The following MAML3 variants were observed in gnomAD, a reference collection of about 807,000 sequenced individuals.
The protein encoded by MAML3 is mastermind-like protein 3.
A neutral mutation model predicts 101.9 loss-of-function variants in MAML3; 27 were observed. The observed-to-expected ratio is 0.27, with a 90% CI of 0.20 to 0.37. MAML3 has a LOEUF of 0.37. MAML3 is among the 10% of genes least tolerant of loss of function. The pLI, the probability that MAML3 is intolerant of heterozygous loss-of-function variation, is 1.00. For missense variants in MAML3, 1,316 were observed against 1,444.9 expected (o/e 0.91, Z 1.45); for synonymous variants, 501 against 555.9 (o/e 0.90, Z 1.39).
At chr4:139,756,248 G>A (rs1052622858) in intron 2 of MAML3, among the ~76,000 whole-genome samples, 5 of 152,160 alleles carry the variant, frequency 3.3e-5, no homozygotes, top group African/African-American at 1.2e-4. Context: ...CAATGAAAAT[G>A]TTGATGATTT....
intron 1 of MAML3, among the ~76,000 whole-genome samples, chr4:139,978,783 T>A (rs1011703097): frequency 1.3e-5 from 2 of 151,192 alleles, no homozygotes; most frequent in African/African-American, 4.9e-5. Context: ...ATGGATGACA[T>A]CCCCCCCAGA....
chr4:139,815,390 T>C (rs1730876559), intron 2 of MAML3, among the ~76,000 whole-genome samples: 1 of 152,236 alleles, frequency 6.6e-6, no homozygotes, highest in Non-Finnish European at 1.5e-5. Context: ...GCTTTATAAA[T>C]ACTAGCTTAT....
chr4:139,867,999 A>C (rs1731932907), intron 2 of MAML3, among the ~76,000 whole-genome samples: 1 of 152,210 alleles, frequency 6.6e-6, no homozygotes, highest in South Asian at 2.1e-4. Flanking sequence ...ATTTCTCTAG[A>C]GAGAAGTCCA....
chr4:140,013,875 C>A (rs1439952864), intron 1 of MAML3, among the ~76,000 whole-genome samples: 2 of 152,178 alleles, frequency 1.3e-5, no homozygotes, highest in Non-Finnish European at 2.9e-5. Context: ...TGGACCATAA[C>A]AGATACTCAG....
chr4:139,821,656 GAACACCAGGGAAGCTGGCCT>G (rs1161382963), intron 2 of MAML3, among the ~76,000 whole-genome samples: 1 of 152,220 alleles, frequency 6.6e-6, no homozygotes, highest in Non-Finnish European at 1.5e-5. Context: ...GAGAGCAGGA[GAACACCAGGGAAGCTGGCCT>G]AGGCTTCCTG....
intron 1 of MAML3, among the ~76,000 whole-genome samples, chr4:140,013,708 A>G (rs1429695003): frequency 6.6e-6 from 1 of 152,236 alleles, no homozygotes; most frequent in Non-Finnish European, 1.5e-5. Flanking sequence ...TTCCAATCCA[A>G]GTGTGTCCAT....
intron 1 of MAML3, among the ~76,000 whole-genome samples, chr4:140,041,551 G>T (rs1217517966): frequency 6.6e-6 from 1 of 152,144 alleles, no homozygotes; most frequent in Non-Finnish European, 1.5e-5. Flanking sequence ...AAGCTGGGAG[G>T]CAGAGGTTGC....
chr4:139,954,030 G>A (rs1383445814), intron 1 of MAML3, among the ~76,000 whole-genome samples: 1 of 152,216 alleles, frequency 6.6e-6, no homozygotes, highest in African/African-American at 2.4e-5. Flanking sequence ...GTAGTTCTGA[G>A]GTGGAGCTCA....
chr4:139,875,499 T>C (rs1732097046), intron 2 of MAML3, among the ~76,000 whole-genome samples: 1 of 152,200 alleles, frequency 6.6e-6, no homozygotes, highest in South Asian at 2.1e-4. Flanking sequence ...GCTGCACACC[T>C]TTCTTTCTCA....
chr4:140,065,829 C>T lies in MAML3; in HGVS notation c.468+87031G>A, dbSNP rs115033769. On this transcript the variant is annotated intron_variant, in intron 1 of 4. Coordinates refer to ENST00000509479, the MANE Select transcript of MAML3 (RefSeq NM_018717.5). The stretch of plus-strand genomic sequence containing the variant: ...CTCTGCCCAGCCCACCTCACCACCA[C>T]GATTCCCAGCACCTCCATCAAACAG... Among the ~76,000 whole-genome samples, 1,436 of 152,314 alleles carry T rather than the reference C, an allele frequency of 9.4e-3. 20 individuals carry two copies. Among genetic ancestry groups the T allele is most frequent in the African/African-American group, 0.033 (1,380 of 41,562 alleles).
chr4:139,973,098 T>C (rs1734259354), intron 1 of MAML3, among the ~76,000 whole-genome samples: 1 of 152,204 alleles, frequency 6.6e-6, no homozygotes, highest in Non-Finnish European at 1.5e-5. Context: ...AGAGTAAGAA[T>C]CCAGTGTTTA....
chr4:140,092,119 C>CAT (rs1728070113), intron 1 of MAML3, among the ~76,000 whole-genome samples: 2 of 121,874 alleles, frequency 1.6e-5, no homozygotes, highest in Admixed American at 8.5e-5. Flanking sequence ...TATATATATA[C>CAT]GTATATATAT....
chr4:139,719,305 T>C lies in MAML3; in HGVS notation c.*18A>G. Reference sequence around the variant, plus strand: ...AAGCTTTAACCACTCGAGTTGTGGATCTTGGGGCCTCTCTTGATTAGGGGT... The same window carrying C: ...AAGCTTTAACCACTCGAGTTGTGGACCTTGGGGCCTCTCTTGATTAGGGGT... On this transcript the variant is annotated 3_prime_UTR_variant, in exon 5 of 5. Coordinates refer to ENST00000509479, the MANE Select transcript of MAML3 (RefSeq NM_018717.5). 1.3e-6 allele frequency: 2 copies of C among 1,549,052 alleles called. No homozygotes were observed. The highest frequency in any genetic ancestry group is 1.7e-6 in the Non-Finnish European group (2 of 1,146,712).
At position 139,780,234 on chromosome 4, in the gene MAML3, T is replaced by C. The variant is rs562524904; in HGVS notation, c.2080-49567A>G. On this transcript the variant is annotated intron_variant, in intron 2 of 4. Coordinates refer to ENST00000509479, the MANE Select transcript of MAML3 (RefSeq NM_018717.5). ...ATCTCTCCCATTCCAGAAAGTTCCA[T>C]TGGACGGCTCTGACCCAGAAAACTC... 9.4e-4 allele frequency among the ~76,000 whole-genome samples: 143 copies of C among 152,334 alleles called. 1 individual carries two copies. The highest frequency in any genetic ancestry group is 2.3e-3 in the East Asian group (12 of 5,186).
chr4:139,781,916 A>T (rs1028160379), intron 2 of MAML3, among the ~76,000 whole-genome samples: 10 of 152,072 alleles, frequency 6.6e-5, no homozygotes, highest in Non-Finnish European at 1.5e-4. Flanking sequence ...TCTTTGATAG[A>T]ATAATAATAT....
chr4:139,723,745 C>T (rs1701114636), intron 4 of MAML3, among the ~76,000 whole-genome samples: 1 of 152,162 alleles, frequency 6.6e-6, no homozygotes, highest in African/African-American at 2.4e-5. Context: ...ACCTGGAAAA[C>T]TCAAGAGACA....
intron 2 of MAML3, among the ~76,000 whole-genome samples, chr4:139,872,766 T>C (rs1284037035): frequency 1.2e-5 from 1 of 82,380 alleles, no homozygotes; most frequent in African/African-American, 5.8e-5. Context: ...AATAACAAGG[T>C]TGGGTTTAGA....
At chr4:139,926,279 GT>G (rs1216193516) in intron 1 of MAML3, among the ~76,000 whole-genome samples, 1 of 152,192 alleles carries the variant, frequency 6.6e-6, no homozygotes, top group Non-Finnish European at 1.5e-5. Flanking sequence ...TTTAAAGGTA[GT>G]TTAGATCCTT....
At chr4:139,780,655 C>G (rs573911670) in intron 2 of MAML3, among the ~76,000 whole-genome samples, 4 of 143,566 alleles carry the variant, frequency 2.8e-5, no homozygotes, top group Admixed American at 1.4e-4. Flanking sequence ...GACAGAGTCT[C>G]GCTCTTGCTC....
Sources: gnomAD v4.1 joint callset for allele counts (sites outside exome capture counted in the v4.1 genomes callset) on GRCh38, gnomAD v4.1.1 for gene constraint, MANE v1.5 for transcripts, NCBI Gene and HGNC (gene_info 2026-07-23, HGNC 2026-07-21) for gene names.